Variants in KIRREL3 observed in about 807,000 individuals in gnomAD.
The protein encoded by KIRREL3 is kin of IRRE-like protein 3.
In KIRREL3, 36 loss-of-function variants were observed where a neutral mutation model predicts 89.7. The observed-to-expected ratio is 0.40, with a 90% confidence interval of 0.31 to 0.53. The LOEUF (loss-of-function observed/expected upper bound fraction) is 0.53, where lower values mean the gene tolerates loss of function less well. KIRREL3 is among the 20% of genes least tolerant of loss of function. The pLI is 0.49. For missense variants in KIRREL3, 864 were observed against 1,056.6 expected, an observed-to-expected ratio of 0.82 and a Z score of 2.53; for synonymous variants, 445 against 441.4, an observed-to-expected ratio of 1.01 and a Z score of -0.10.
chr11:126,602,963 A>G (rs1347119226), intron 1 of KIRREL3, among the ~76,000 whole-genome samples: 3 of 152,154 alleles, frequency 2.0e-5, no homozygotes, highest in Admixed American at 6.5e-5. Flanking sequence ...AGAAGTAATG[A>G]TTGGAGGCCT....
chr11:126,750,669 T>C lies in KIRREL3; in HGVS notation c.56-187757A>G, dbSNP rs1334053706. Among the ~76,000 whole-genome samples, 1 of 152,202 alleles carries C rather than the reference T, an allele frequency of 6.6e-6. No homozygotes were observed. Among genetic ancestry groups the C allele is most frequent in the Non-Finnish European group, 1.5e-5 (1 of 68,032 alleles). On this transcript the variant is annotated intron_variant, in intron 1 of 16. Transcript: ENST00000525144. The surrounding 1 kb of genome is among the most constrained non-coding windows in gnomAD (Gnocchi z 4.2). Reference sequence around the variant, plus strand: ...TGTGATTTACAAATGCCATCTAATTTAGTGGTTCCCCAGCTTCTGGTTCCC... The same window carrying C: ...TGTGATTTACAAATGCCATCTAATTCAGTGGTTCCCCAGCTTCTGGTTCCC...
chr11:126,555,361 G>A lies in KIRREL3; in HGVS notation c.133+7474C>T, dbSNP rs1362142494. On this transcript the variant is annotated intron_variant, in intron 2 of 16. Transcript: ENST00000525144. The surrounding 1 kb of genome is among the most constrained non-coding windows in gnomAD (Gnocchi z 4.2). ...TATCCCATCTCATTAGTAAATAATT[G>A]CAATATGAATGTATATGTACAAACT... 1.3e-5 allele frequency among the ~76,000 whole-genome samples: 2 copies of A among 152,208 alleles called. No homozygotes were observed.
In KIRREL3 at chr11:126,573,829, G is replaced by A. The variant is rs557828169; in HGVS notation, c.56-10917C>T. Among the ~76,000 whole-genome samples, 6 of 152,296 alleles carry A rather than the reference G, an allele frequency of 3.9e-5. No individual in the cohort carries two copies. The South Asian group carries it at 1.2e-3, about 32-fold the overall frequency. On this transcript the variant is annotated intron_variant, in intron 1 of 16. Coordinates refer to ENST00000525144, the MANE Select transcript of KIRREL3 (RefSeq NM_032531.4). ...AGGTCAAGAGAGGAAAGGAATAACA[G>A]AGACCACAGGGTGGCAGCAGATCCG... is the stretch of plus-strand genomic sequence containing the variant.
rs747680499 is a variant in KIRREL3 at position 126,610,031 on chromosome 11, C to A, written c.56-47119G>T. ...CTCAGGGAGGTTAAGTAAATGAGGC[C>A]GAAGTCACACATTGTTTCAGTTACA... On this transcript the variant is annotated intron_variant, in intron 1 of 16. Transcript: ENST00000525144. This position sits in a 1 kb window ranked among gnomAD's most constrained non-coding sequence, Gnocchi z 4.6. 6.6e-6 allele frequency among the ~76,000 whole-genome samples: 1 copy of A among 151,952 alleles called. No homozygotes were observed. The highest frequency in any genetic ancestry group is 2.4e-5 in the African/African-American group (1 of 41,350).
At chr11:126,509,321 C>A (rs116947661) in intron 4 of KIRREL3, among the ~76,000 whole-genome samples, 3,396 of 152,304 alleles carry the variant, frequency 0.022, 68 homozygotes, top group Non-Finnish European at 0.032. Flanking sequence ...AATGCCCTCA[C>A]CCCTCCTTCA....
chr11:126,633,342 A>G lies in KIRREL3; in HGVS notation c.56-70430T>C, dbSNP rs568570689. Among the ~76,000 whole-genome samples the G allele has an allele frequency of 2.0e-5, 3 of 152,212 alleles. No individual in the cohort carries two copies. In the South Asian group the frequency reaches 6.2e-4, roughly 32 times the overall value. On this transcript the variant is annotated intron_variant, in intron 1 of 16. Transcript: ENST00000525144. ...AAGTCTGCACACCTATCTCATTTTT[A>G]GAAGAAATAAAGAGAAACAAACAAA...
chr11:126,488,064 C>T (rs371965413), intron 4 of KIRREL3, among the ~76,000 whole-genome samples: 1 of 152,244 alleles, frequency 6.6e-6, no homozygotes, highest in Non-Finnish European at 1.5e-5. Flanking sequence ...AGAGTGCTTA[C>T]GATCAGAATA....
At chr11:126,721,610 G>T (rs1948174020) in intron 1 of KIRREL3, among the ~76,000 whole-genome samples, 2 of 152,152 alleles carry the variant, frequency 1.3e-5, no homozygotes, top group Non-Finnish European at 2.9e-5. Context: ...ATGGCACAGA[G>T]TAGGTGCCTC....
In KIRREL3 at chr11:126,788,912, TG is replaced by T. The variant is rs2134352042; in HGVS notation, c.55+211542del. 6.6e-6 allele frequency among the ~76,000 whole-genome samples: 1 copy of T among 152,292 alleles called. No individual in the cohort carries two copies. Among genetic ancestry groups the T allele is most frequent in the African/African-American group, 2.4e-5 (1 of 41,564 alleles). On this transcript the variant is annotated intron_variant, in intron 1 of 16. Transcript: ENST00000525144. This position sits in a 1 kb window ranked among gnomAD's most constrained non-coding sequence, Gnocchi z 4.1. ...TAATCATTATTATCAAAGAGTGTCA[TG>T]TATTAAGCATCTACTGGAGTGTGAG...
chr11:126,559,172 G>A (rs1042254522), intron 2 of KIRREL3, among the ~76,000 whole-genome samples: 4 of 152,170 alleles, frequency 2.6e-5, no homozygotes, highest in African/African-American at 4.8e-5. Context: ...AAGAAAGCCT[G>A]AGAGTGAGCA....
intron 1 of KIRREL3, among the ~76,000 whole-genome samples, chr11:126,681,411 G>A (rs139826799): frequency 1.3e-5 from 2 of 152,336 alleles, no homozygotes; most frequent in East Asian, 3.9e-4. Flanking sequence ...AGGGGAGCAC[G>A]AAGCTTGAGG....
At chr11:126,826,074 C>G (rs1038129579) in intron 1 of KIRREL3, among the ~76,000 whole-genome samples, 3 of 152,128 alleles carry the variant, frequency 2.0e-5, no homozygotes, top group African/African-American at 7.2e-5. Flanking sequence ...CAGATGCCCC[C>G]TTTCCAAAGA....
chr11:126,862,272 C>T (rs887296805), intron 1 of KIRREL3, among the ~76,000 whole-genome samples: 5 of 152,214 alleles, frequency 3.3e-5, no homozygotes, highest in Non-Finnish European at 7.3e-5. Context: ...CCACATCCAC[C>T]CAAATGGATT....
intron 1 of KIRREL3, among the ~76,000 whole-genome samples, chr11:126,841,491 T>C (rs902394500): frequency 6.6e-6 from 1 of 152,246 alleles, no homozygotes; most frequent in Non-Finnish European, 1.5e-5. Flanking sequence ...CTGAGCTTAT[T>C]GAATAAATCC....
intron 1 of KIRREL3, among the ~76,000 whole-genome samples, chr11:126,956,876 G>C (rs576332020): frequency 1.3e-5 from 2 of 152,158 alleles, no homozygotes; most frequent in South Asian, 4.1e-4. Context: ...AGGCAATTCT[G>C]GTTGTCACCC....
rs771153675 is a variant in KIRREL3 at position 126,704,320 on chromosome 11, G to T, written c.56-141408C>A. On this transcript the variant is annotated intron_variant, in intron 1 of 16. Transcript: ENST00000525144. The surrounding 1 kb of genome is among the most constrained non-coding windows in gnomAD (Gnocchi z 4.2). ...GCACAGCAGCACAGAACAACAGCTG[G>T]TAGGAAGCATGTTTGTCGGGGTGTG... Among the ~76,000 whole-genome samples, 2 of 152,200 alleles carry T rather than the reference G, an allele frequency of 1.3e-5. No individual in the cohort carries two copies. The highest frequency in any genetic ancestry group is 2.9e-5 in the Non-Finnish European group (2 of 68,040).
intron 7 of KIRREL3, among the ~76,000 whole-genome samples, chr11:126,453,126 C>G (rs554171812): frequency 2.2e-5 from 3 of 133,894 alleles, no homozygotes; most frequent in Admixed American, 1.8e-4. Flanking sequence ...TCAGCTTAAG[C>G]CTCTCCCAAT....
chr11:126,893,253 C>A (rs7126572), intron 1 of KIRREL3, among the ~76,000 whole-genome samples: 9,566 of 152,190 alleles, frequency 0.063, 523 homozygotes, highest in East Asian at 0.24. Flanking sequence ...GTCTGATGCC[C>A]CGGAACGTCC....
Position 126,546,806 on chromosome 11 carries a change from G to A in KIRREL3, c.133+16029C>T, listed in dbSNP as rs75670112. Among the ~76,000 whole-genome samples, 313 of 152,170 alleles carry A rather than the reference G, an allele frequency of 2.1e-3. 3 individuals carry two copies. The highest frequency in any genetic ancestry group is 9.1e-3 in the South Asian group (44 of 4,812). The stretch of plus-strand genomic sequence containing the variant: ...TTTATACTTTTTTTCAAAGCATCAC[G>A]CAATCGTGATGCATATTTTCTCCTT... On this transcript the variant is annotated intron_variant, in intron 2 of 16. Coordinates refer to ENST00000525144, the MANE Select transcript of KIRREL3 (RefSeq NM_032531.4).
Sources: gnomAD v4.1 joint callset for allele counts (sites outside exome capture counted in the v4.1 genomes callset) on GRCh38, gnomAD v4.1.1 for gene constraint, Gnocchi (gnomAD v3.1) non-coding constraint, MANE v1.5 for transcripts, NCBI Gene and HGNC (gene_info 2026-07-23, HGNC 2026-07-21) for gene names.